The following TMEM267 variants were observed in gnomAD, a reference collection of about 807,000 sequenced individuals.
The protein encoded by TMEM267 is transmembrane protein 267.
Under a neutral mutation model 19.3 loss-of-function variants are expected in TMEM267, and 20 were observed. That is an observed-to-expected ratio of 1.04 (90% confidence interval 0.73 to 1.51). The LOEUF is 1.51. Ranked by LOEUF, TMEM267 falls within the 40% of genes most tolerant of loss-of-function variation. The pLI is 0.00. For synonymous variants in TMEM267, 88 were observed against 90.3 expected, an observed-to-expected ratio of 0.97 and a Z score of 0.15; for missense variants, 242 against 261.9, an observed-to-expected ratio of 0.92 and a Z score of 0.52.
Position 43,446,471 on chromosome 5 carries a change from G to A in TMEM267, c.399C>T (p.His133=). 1 of 1,613,900 alleles carries A rather than the reference G, an allele frequency of 6.2e-7. No individual in the cohort carries two copies. The highest frequency in any genetic ancestry group is 2.2e-5 in the East Asian group (1 of 44,874). ...ACCATGAGTCTTTGAGCTTGAAAAG[G>A]TGCATAGTAAATTTCAGGGTCAGAA... ...VVVLTLKFTM[H]LFKLKDSWCF... is the part of the protein sequence containing the mutation. The change falls in exon 3 of 3, where the codon CAC becomes CAT. Residue 133 remains histidine, a synonymous_variant. Coordinates refer to ENST00000397080, the MANE Select transcript of TMEM267 (RefSeq NM_022483.5).
chr5:43,458,277 T>G (rs1743066903), intron 1 of TMEM267, among the ~76,000 whole-genome samples: 1 of 152,128 alleles, frequency 6.6e-6, no homozygotes, highest in Admixed American at 6.5e-5. Flanking sequence ...ATTTTTAAAT[T>G]TTTTTGTAGA....
At chr5:43,480,021 T>C (rs1222065641) in intron 1 of TMEM267, 2 of 311,620 alleles carry the variant, frequency 6.4e-6, no homozygotes, top group Non-Finnish European at 1.2e-5. Context: ...TATTTAAATA[T>C]TTAATGCATA....
intron 1 of TMEM267, among the ~76,000 whole-genome samples, chr5:43,459,567 T>C (rs1006755878): frequency 6.6e-6 from 1 of 152,020 alleles, no homozygotes; most frequent in Non-Finnish European, 1.5e-5. Context: ...TAAGTAGCAA[T>C]GGTAATATTA....
chr5:43,460,925 AG>A (rs1452687500), intron 1 of TMEM267, among the ~76,000 whole-genome samples: 1 of 152,220 alleles, frequency 6.6e-6, no homozygotes, highest in African/African-American at 2.4e-5. Context: ...GGTGAGTCCT[AG>A]AGCTGAACTA....
chr5:43,480,825 CGGA>C (rs1456649633), intron 1 of TMEM267, among the ~76,000 whole-genome samples: 1 of 85,752 alleles, frequency 1.2e-5, no homozygotes, highest in Non-Finnish European at 2.0e-5. Context: ...TTTTTTGAGA[CGGA>C]GTCTTGCTCT....
At chr5:43,464,925 GCA>G (rs1743544249) in intron 1 of TMEM267, among the ~76,000 whole-genome samples, 1 of 152,184 alleles carries the variant, frequency 6.6e-6, no homozygotes, top group Non-Finnish European at 1.5e-5. Context: ...GACACCAAAA[GCA>G]ATGGCAACCA....
Position 43,476,508 on chromosome 5 carries a change from C to CTTTTTTTTTT in TMEM267, c.-75+7304_-75+7313dup, listed in dbSNP as rs67848213. On this transcript the variant is annotated intron_variant, in intron 1 of 2. Coordinates refer to ENST00000397080, the MANE Select transcript of TMEM267 (RefSeq NM_022483.5). ...ATCCTAACTGATACAAAAGCCAGACCTTTTTTTTTTTTTTTTTTTTTTTTT... is the reference window on the plus strand; with the variant it reads ...ATCCTAACTGATACAAAAGCCAGACCTTTTTTTTTTTTTTTTTTTTTTTTTTTTTTTTTTT... Among the ~76,000 whole-genome samples, 279 of 54,838 alleles carry CTTTTTTTTTT rather than the reference C, an allele frequency of 5.1e-3. 13 individuals are homozygous for CTTTTTTTTTT. Among genetic ancestry groups the CTTTTTTTTTT allele is most frequent in the Middle Eastern group, 0.036 (2 of 56 alleles). 36.0% of individuals were successfully genotyped at this position (54,838 alleles called of 152,430 possible). A position where few individuals can be genotyped will look rare whatever the true frequency, so the allele number is the denominator to read the frequency against.
chr5:43,464,307 G>A (rs1160496216), intron 1 of TMEM267, among the ~76,000 whole-genome samples: 1 of 151,810 alleles, frequency 6.6e-6, no homozygotes, highest in Admixed American at 6.6e-5. Context: ...AATAAAAGAG[G>A]ATACAAACAA....
At chr5:43,483,101 T>C (rs1488915250) in intron 1 of TMEM267, among the ~76,000 whole-genome samples, 1 of 152,234 alleles carries the variant, frequency 6.6e-6, no homozygotes, top group East Asian at 1.9e-4. Context: ...ATATATTTAA[T>C]TTCTTTAATG....
chr5:43,456,007 T>C (rs1742927467), intron 1 of TMEM267, among the ~76,000 whole-genome samples: 1 of 151,942 alleles, frequency 6.6e-6, no homozygotes, highest in South Asian at 2.1e-4. Context: ...TTTTTTTTTT[T>C]CAAAGAGACA....
chr5:43,453,076 T>C (rs2112041933), intron 2 of TMEM267, among the ~76,000 whole-genome samples: 2 of 152,360 alleles, frequency 1.3e-5, no homozygotes, highest in South Asian at 4.1e-4. Flanking sequence ...TCAGTGAAAT[T>C]CCTCAATTTC....
intron 1 of TMEM267, among the ~76,000 whole-genome samples, chr5:43,467,954 G>A: frequency 6.6e-6 from 1 of 152,122 alleles, no homozygotes; most frequent in East Asian, 1.9e-4. Context: ...TGGAACTGAT[G>A]TACTTCTTAT....
At chr5:43,465,471 C>G (rs1437592634) in intron 1 of TMEM267, among the ~76,000 whole-genome samples, 1 of 152,046 alleles carries the variant, frequency 6.6e-6, no homozygotes, top group Admixed American at 6.6e-5. Context: ...GGGTATATAC[C>G]CAAAGGATTA....
intron 1 of TMEM267, among the ~76,000 whole-genome samples, chr5:43,475,753 G>A (rs548807792): frequency 8.5e-5 from 13 of 152,052 alleles, no homozygotes; most frequent in Non-Finnish European, 1.9e-4. Context: ...TTAGTTCAAG[G>A]TATGAACTAA....
At chr5:43,447,317 T>C (rs1294707450) in intron 2 of TMEM267, among the ~76,000 whole-genome samples, 1 of 152,132 alleles carries the variant, frequency 6.6e-6, no homozygotes, top group African/African-American at 2.4e-5. Context: ...CTCGAACTCC[T>C]GAACTCAGAT....
chr5:43,480,797 C>CTTTTTTTTTT (rs869260304), intron 1 of TMEM267, among the ~76,000 whole-genome samples: 2 of 79,582 alleles, frequency 2.5e-5, no homozygotes, highest in African/African-American at 1.1e-4. Context: ...AATAATCTTA[C>CTTTTTTTTTT]TTTTTTTTTT....
intron 1 of TMEM267, among the ~76,000 whole-genome samples, chr5:43,471,651 G>A (rs1416881327): frequency 2.6e-5 from 4 of 151,972 alleles, no homozygotes; most frequent in South Asian, 2.1e-4. Context: ...CACCTATAGC[G>A]AACTAATTTT....
At chr5:43,461,079 G>A (rs1743229426) in intron 1 of TMEM267, among the ~76,000 whole-genome samples, 1 of 152,136 alleles carries the variant, frequency 6.6e-6, no homozygotes, top group South Asian at 2.1e-4. Context: ...TTTGCTTGAG[G>A]AGAATAACAG....
At chr5:43,484,057 G>A (rs1449064135), upstream of TMEM267, 1 of 152,258 alleles carries the variant, frequency 6.6e-6, no homozygotes, top group Non-Finnish European at 1.5e-5. Context: ...CCCCTAAAAA[G>A]GAAACTTTTG....
Sources: gnomAD v4.1 joint callset for allele counts (sites outside exome capture counted in the v4.1 genomes callset) on GRCh38, gnomAD v4.1.1 for gene constraint, MANE v1.5 for transcripts, NCBI Gene and HGNC (gene_info 2026-07-23, HGNC 2026-07-21) for gene names.